The following ARHGAP15 variants were observed in gnomAD, a reference collection of about 807,000 sequenced individuals.
ARHGAP15 encodes the protein rho GTPase-activating protein 15.
In ARHGAP15, 51 loss-of-function variants were observed where a neutral mutation model predicts 63.7. The ratio of observed to expected loss-of-function variants is 0.80; its 90% confidence interval spans 0.64 to 1.01. The LOEUF (loss-of-function observed/expected upper bound fraction) is 1.01. ARHGAP15 is among the 50% of genes least tolerant of loss of function. The pLI, the probability that ARHGAP15 is intolerant of heterozygous loss-of-function variation, is 0.00. For missense variants in ARHGAP15, 560 were observed against 564.6 expected, an observed-to-expected ratio of 0.99 and a Z score of 0.08; for synonymous variants, 191 against 193.8, an observed-to-expected ratio of 0.99 and a Z score of 0.12.
chr2:143,600,163 A>C (rs1333727972), intron 11 of ARHGAP15, among the ~76,000 whole-genome samples: 1 of 152,164 alleles, frequency 6.6e-6, no homozygotes, highest in East Asian at 1.9e-4. Context: ...CAAAATTGAC[A>C]CATACTATGC....
intron 12 of ARHGAP15, among the ~76,000 whole-genome samples, chr2:143,688,311 T>TA (rs1264516086): frequency 1.3e-5 from 2 of 152,206 alleles, no homozygotes; most frequent in Non-Finnish European, 2.9e-5. Context: ...TTGAAAGGAA[T>TA]AAAAAACTTG....
chr2:143,230,416 A>G (rs1693389242), intron 5 of ARHGAP15, among the ~76,000 whole-genome samples: 2 of 152,196 alleles, frequency 1.3e-5, no homozygotes, highest in Admixed American at 1.3e-4. Context: ...AAGTTAGCTC[A>G]CTAATTGCAT....
chr2:143,255,506 A>G (rs537893103), intron 6 of ARHGAP15, among the ~76,000 whole-genome samples: 1 of 152,284 alleles, frequency 6.6e-6, no homozygotes, highest in South Asian at 2.1e-4. Context: ...CTCCATGGAT[A>G]TGCATTACAT....
rs72856041 is a variant in ARHGAP15, at chr2:143,515,626, G to T, written c.827-3640G>T. Among the ~76,000 whole-genome samples the T allele has an allele frequency of 2.6e-3, 401 of 152,272 alleles. 1 individual carries two copies. The highest frequency in any genetic ancestry group is 4.6e-3 in the Admixed American group (70 of 15,298). ...CAAATCTTTTGCTATATAGTCCTGA[G>T]TCACTTTCCTAGACATTTCATTGAC... On this transcript the variant is annotated intron_variant, in intron 9 of 13. Coordinates refer to ENST00000295095, the MANE Select transcript of ARHGAP15 (RefSeq NM_018460.4).
chr2:143,377,547 G>GC (rs1686872103), intron 6 of ARHGAP15, among the ~76,000 whole-genome samples: 1 of 151,784 alleles, frequency 6.6e-6, no homozygotes, highest in Non-Finnish European at 1.5e-5. Flanking sequence ...TCTGAAGCTA[G>GC]TTTTGTTTCC....
At chr2:143,755,907 A>G (rs1686558735) in intron 13 of ARHGAP15, among the ~76,000 whole-genome samples, 1 of 152,066 alleles carries the variant, frequency 6.6e-6, no homozygotes, top group African/African-American at 2.4e-5. Context: ...CAGAGGTTGC[A>G]GCGAGCTGAG....
intron 13 of ARHGAP15, among the ~76,000 whole-genome samples, chr2:143,715,982 C>T (rs562174828): frequency 3.3e-5 from 5 of 152,216 alleles, no homozygotes; most frequent in Non-Finnish European, 7.4e-5. Context: ...CCTTTCAACA[C>T]ACATTGGGGC....
At chr2:143,417,547 C>T (rs966016376) in intron 6 of ARHGAP15, among the ~76,000 whole-genome samples, 4 of 152,108 alleles carry the variant, frequency 2.6e-5, no homozygotes, top group Non-Finnish European at 5.9e-5. Flanking sequence ...TTAATTGTTG[C>T]CACATTCTTA....
intron 9 of ARHGAP15, among the ~76,000 whole-genome samples, chr2:143,491,239 G>A (rs867969264): frequency 6.2e-4 from 95 of 152,304 alleles, no homozygotes; most frequent in African/African-American, 2.1e-3. Flanking sequence ...TTGGGTGGTA[G>A]GAGTGTTTAT....
chr2:143,270,914 A>G (rs1232613264), intron 6 of ARHGAP15, among the ~76,000 whole-genome samples: 1 of 152,168 alleles, frequency 6.6e-6, no homozygotes, highest in Non-Finnish European at 1.5e-5. Context: ...ATTTTAATGT[A>G]TATTCAAAAA....
intron 6 of ARHGAP15, among the ~76,000 whole-genome samples, chr2:143,337,657 C>T (rs1289190199): frequency 5.3e-5 from 8 of 151,974 alleles, no homozygotes; most frequent in Non-Finnish European, 7.4e-5. Context: ...TTTAGGTTTT[C>T]GTACTTTTGG....
At chr2:143,137,288 C>T (rs1223747401) in intron 1 of ARHGAP15, among the ~76,000 whole-genome samples, 1 of 151,802 alleles carries the variant, frequency 6.6e-6, no homozygotes, top group African/African-American at 2.4e-5. Context: ...ATACCTAGAA[C>T]CTAGAACAAA....
At chr2:143,653,208 T>C (rs887734071) in intron 12 of ARHGAP15, among the ~76,000 whole-genome samples, 3 of 152,126 alleles carry the variant, frequency 2.0e-5, no homozygotes, top group African/African-American at 7.2e-5. Context: ...AAATCAAAAC[T>C]ACATTCCCAG....
intron 6 of ARHGAP15, among the ~76,000 whole-genome samples, chr2:143,304,255 C>A (rs954936225): frequency 2.6e-5 from 4 of 152,092 alleles, no homozygotes; most frequent in Non-Finnish European, 4.4e-5. Context: ...ACATATACAC[C>A]ATGGAATACT....
chr2:143,583,869 A>G (rs1012308655), intron 11 of ARHGAP15, among the ~76,000 whole-genome samples: 1 of 152,192 alleles, frequency 6.6e-6, no homozygotes, highest in Admixed American at 6.5e-5. Flanking sequence ...TAGGCATTTT[A>G]TTGGTTAAGA....
At chr2:143,281,921 A>G (rs914444801) in intron 6 of ARHGAP15, among the ~76,000 whole-genome samples, 5 of 152,138 alleles carry the variant, frequency 3.3e-5, no homozygotes, top group Non-Finnish European at 7.3e-5. Context: ...TGAATCCAGT[A>G]TTCATAAGCT....
At chr2:143,210,984 T>C (rs1692537611) in intron 3 of ARHGAP15, among the ~76,000 whole-genome samples, 1 of 152,202 alleles carries the variant, frequency 6.6e-6, no homozygotes, top group Non-Finnish European at 1.5e-5. Context: ...ATTTCATTCT[T>C]GAGCTATATT....
At chr2:143,206,912 ATGTC>A (rs1302142916) in intron 3 of ARHGAP15, among the ~76,000 whole-genome samples, 1 of 151,914 alleles carries the variant, frequency 6.6e-6, no homozygotes, top group Non-Finnish European at 1.5e-5. Context: ...AGCTCAGTAA[ATGTC>A]TGTGTTTGTG....
intron 5 of ARHGAP15, chr2:143,235,797 G>A (rs760434218): frequency 1.6e-5 from 14 of 869,070 alleles, no homozygotes; most frequent in Non-Finnish European, 2.1e-5. Flanking sequence ...GGAGTTGTCT[G>A]TTTGATTTAT....
Sources: gnomAD v4.1 joint callset for allele counts (sites outside exome capture counted in the v4.1 genomes callset) on GRCh38, gnomAD v4.1.1 for gene constraint, MANE v1.5 for transcripts, NCBI Gene and HGNC (gene_info 2026-07-23, HGNC 2026-07-21) for gene names.